Variants in TRPM3 observed in about 807,000 individuals in gnomAD.
The protein encoded by TRPM3 is transient receptor potential cation channel subfamily M member 3.
TRPM3 carries 77 observed loss-of-function variants against 181.2 expected under a neutral mutation model. The observed-to-expected ratio is 0.42, with a 90% CI of 0.35 to 0.51. The LOEUF (loss-of-function observed/expected upper bound fraction) is 0.51. Among genes scored for constraint, TRPM3 ranks in the 20% least tolerant of loss-of-function variants. The pLI, the probability that TRPM3 is intolerant of heterozygous loss-of-function variation, is 0.01. For synonymous variants in TRPM3, 745 were observed against 796.4 expected (o/e 0.94, Z 1.09); for missense variants, 1,759 against 2,196.7 (o/e 0.80, Z 3.98).
At chr9:71,073,734 A>G (rs906644220) in intron 1 of TRPM3, among the ~76,000 whole-genome samples, 2 of 152,236 alleles carry the variant, frequency 1.3e-5, no homozygotes, top group African/African-American at 4.8e-5. Context: ...GGCAGCTTAT[A>G]TATGACAGGA....
intron 1 of TRPM3, among the ~76,000 whole-genome samples, chr9:71,044,201 C>T (rs1474283732): frequency 6.6e-6 from 1 of 152,142 alleles, no homozygotes; most frequent in African/African-American, 2.4e-5. Flanking sequence ...CTATTAATCT[C>T]CAAGTTTGTG....
chr9:70,832,149 G>A (rs11142609), intron 5 of TRPM3, among the ~76,000 whole-genome samples: 25,003 of 113,200 alleles, frequency 0.22, 3,556 homozygotes, highest in Non-Finnish European at 0.29. Flanking sequence ...TTGTGGGGTG[G>A]GGGGAGGGGG....
chr9:70,773,746 T>C (rs2080812529), intron 7 of TRPM3, among the ~76,000 whole-genome samples: 1 of 152,200 alleles, frequency 6.6e-6, no homozygotes, highest in South Asian at 2.1e-4. Flanking sequence ...GTATTATGTC[T>C]GTGTGGAAAG....
Position 70,990,073 on chromosome 9 carries a change from C to T in TRPM3, c.178-125562G>A, listed in dbSNP as rs200917117. On this transcript the variant is annotated intron_variant, in intron 1 of 25. Transcript: ENST00000677713. The stretch of plus-strand genomic sequence containing the variant: ...AACTACAGAGTATTTAAATAACTTG[C>T]CCCAAATCACATAGCTAATAAGTGG... 3.9e-5 allele frequency among the ~76,000 whole-genome samples: 6 copies of T among 152,236 alleles called. No individual in the cohort carries two copies. The East Asian group carries it at 9.7e-4, about 24-fold the overall frequency.
chr9:70,657,621 G>A (rs1179156114), intron 9 of TRPM3, among the ~76,000 whole-genome samples: 1 of 152,076 alleles, frequency 6.6e-6, no homozygotes, highest in African/African-American at 2.4e-5. Context: ...GAAAAAATCT[G>A]AGATTAAAAA....
At chr9:70,891,503 T>C (rs1402671953) in intron 1 of TRPM3, among the ~76,000 whole-genome samples, 1 of 152,176 alleles carries the variant, frequency 6.6e-6, no homozygotes, top group Non-Finnish European at 1.5e-5. Flanking sequence ...GTGAGAAGTG[T>C]CAGGCAAGGG....
At chr9:71,104,482 C>T (rs2069070033) in intron 1 of TRPM3, among the ~76,000 whole-genome samples, 1 of 152,170 alleles carries the variant, frequency 6.6e-6, no homozygotes, top group Non-Finnish European at 1.5e-5. Context: ...ACTTATTTCA[C>T]CACAGTGAAA....
chr9:70,543,137 T>G (rs2043923149), intron 25 of TRPM3, among the ~76,000 whole-genome samples: 1 of 152,218 alleles, frequency 6.6e-6, no homozygotes, highest in Admixed American at 6.5e-5. Flanking sequence ...ATATCCTAAG[T>G]CATTTCTCTC....
At chr9:70,562,685 T>C (rs1391357348) in intron 22 of TRPM3, among the ~76,000 whole-genome samples, 1 of 151,996 alleles carries the variant, frequency 6.6e-6, no homozygotes, top group Non-Finnish European at 1.5e-5. Context: ...CCCTGTTACT[T>C]GGTTCCATGT....
intron 1 of TRPM3, among the ~76,000 whole-genome samples, chr9:71,316,836 T>C (rs896342243): frequency 1.3e-5 from 2 of 152,132 alleles, no homozygotes; most frequent in African/African-American, 4.8e-5. Flanking sequence ...AGAAAATTGA[T>C]ATCACTCATA....
intron 1 of TRPM3, among the ~76,000 whole-genome samples, chr9:71,431,959 C>A (rs538698428): frequency 4.0e-4 from 61 of 152,320 alleles, no homozygotes; most frequent in Non-Finnish European, 7.6e-4. Flanking sequence ...GCCAGCCACT[C>A]AGCAAGATTT....
rs144345330 is a variant in TRPM3 at position 71,017,954 on chromosome 9, T to G, written c.177+103224A>C. Among the ~76,000 whole-genome samples the G allele has an allele frequency of 9.3e-4, 142 of 151,878 alleles. No individual in the cohort carries two copies. The East Asian group carries it at 0.024, about 26-fold the overall frequency. ...GCCATGAAACAAACCTAAATAAAAT[T>G]TTCAACATAAAATCATGTAAATGTT... On this transcript the variant is annotated intron_variant, in intron 1 of 25. Coordinates refer to ENST00000677713, the MANE Select transcript of TRPM3 (RefSeq NM_001366145.2).
intron 5 of TRPM3, among the ~76,000 whole-genome samples, chr9:70,840,884 A>T (rs2131957767): frequency 6.6e-6 from 1 of 152,302 alleles, no homozygotes; most frequent in Non-Finnish European, 1.5e-5. Flanking sequence ...ATCAACTGCC[A>T]TTTATTCACA....
chr9:71,173,526 G>GT (rs2076963659), intron 1 of TRPM3, among the ~76,000 whole-genome samples: 1 of 152,200 alleles, frequency 6.6e-6, no homozygotes, highest in Non-Finnish European at 1.5e-5. Flanking sequence ...TTGCCACTAT[G>GT]TTTTGTTCCT....
intron 1 of TRPM3, among the ~76,000 whole-genome samples, chr9:71,298,746 C>CA (rs1188040825): frequency 6.6e-6 from 1 of 152,086 alleles, no homozygotes; most frequent in African/African-American, 2.4e-5. Flanking sequence ...CTCTCTAGCT[C>CA]AAAACAGGCC....
chr9:71,361,859 T>C lies in TRPM3; in HGVS notation c.183+84794A>G, dbSNP rs2092160156. Among the ~76,000 whole-genome samples, 7 of 152,270 alleles carry C rather than the reference T, an allele frequency of 4.6e-5. No homozygotes were observed. In the South Asian group the frequency reaches 1.5e-3, roughly 32 times the overall value. Reference sequence around the variant, plus strand: ...TGAAGGACTAATCAGTTATCCCTGATCGGGTTCAAATATATTTGAAATGAA... The same window carrying C: ...TGAAGGACTAATCAGTTATCCCTGACCGGGTTCAAATATATTTGAAATGAA... On this transcript the variant is annotated intron_variant, in intron 1 of 24. Transcript: ENST00000357533.
chr9:70,941,105 A>G (rs2096881699), intron 1 of TRPM3, among the ~76,000 whole-genome samples: 1 of 152,200 alleles, frequency 6.6e-6, no homozygotes, highest in East Asian at 1.9e-4. Context: ...TGAAGGATGC[A>G]AAGTATTGTT....
intron 1 of TRPM3, among the ~76,000 whole-genome samples, chr9:71,233,961 A>G (rs2081219048): frequency 6.6e-6 from 1 of 152,180 alleles, no homozygotes; most frequent in South Asian, 2.1e-4. Flanking sequence ...TTTCTATGTA[A>G]CAAATTGTTC....
chr9:71,209,237 A>T (rs1361918639), intron 1 of TRPM3, among the ~76,000 whole-genome samples: 2 of 152,164 alleles, frequency 1.3e-5, no homozygotes, highest in South Asian at 4.2e-4. Flanking sequence ...AAGCAAAATG[A>T]TTTCTTAAAT....
Sources: allele counts gnomAD v4.1 joint callset (sites outside exome capture counted in the v4.1 genomes callset), GRCh38; gene constraint gnomAD v4.1.1; transcripts MANE v1.5; gene names NCBI Gene and HGNC (gene_info 2026-07-23, HGNC 2026-07-21).